The following RIN2 variants were observed in gnomAD, a reference collection of about 807,000 sequenced individuals.
RIN2 encodes RAB5 interacting protein 2.
In RIN2, 36 loss-of-function variants were observed where a neutral mutation model predicts 78.0. The ratio of observed to expected loss-of-function variants is 0.46; its 90% confidence interval spans 0.35 to 0.61. RIN2 has a LOEUF of 0.61. RIN2 is among the 20% of genes least tolerant of loss of function. RIN2 has a pLI of 0.00. For synonymous variants in RIN2, 466 were observed against 466.8 expected (o/e 1.00, Z 0.02); for missense variants, 1,087 against 1,159.7 (o/e 0.94, Z 0.91).
chr20:19,830,905 G>A (rs575986785), intron 2 of RIN2, among the ~76,000 whole-genome samples: 52 of 152,286 alleles, frequency 3.4e-4, no homozygotes, highest in African/African-American at 1.1e-3. Flanking sequence ...ACCCCACCTC[G>A]GGACACCCCT....
In RIN2 at chr20:19,805,175, T is replaced by C. The variant is rs142043603; in HGVS notation, c.-37+5428T>C. On this transcript the variant is annotated intron_variant, in intron 2 of 12. Transcript: ENST00000255006. Reference sequence around the variant, plus strand: ...AATGAGACTTAGCTTTGGTCAAAAATTGGGATGCGGGTATTTATATGGGCA... The same window carrying C: ...AATGAGACTTAGCTTTGGTCAAAAACTGGGATGCGGGTATTTATATGGGCA... Among the ~76,000 whole-genome samples the C allele has an allele frequency of 1.2e-3, 182 of 152,198 alleles. 1 individual carries two copies. Among genetic ancestry groups the C allele is most frequent in the African/African-American group, 4.1e-3 (169 of 41,512 alleles).
intron 5 of RIN2, among the ~76,000 whole-genome samples, chr20:19,957,390 A>C (rs2041586288): frequency 6.6e-6 from 1 of 152,206 alleles, no homozygotes; most frequent in African/African-American, 2.4e-5. Flanking sequence ...CAAAAAAGTG[A>C]CTGGAGCCGG....
intron 6 of RIN2, 104 bp downstream of exon 6, chr20:19,960,915 CT>C (rs1600954760): frequency 1.4e-6 from 1 of 692,394 alleles, no homozygotes; most frequent in East Asian, 2.7e-5. Context: ...AGATATGGGC[CT>C]GAGTCTTGGC....
intron 1 of RIN2, among the ~76,000 whole-genome samples, chr20:19,797,859 C>CTTTTTTTTTTTTTTT: frequency 7.8e-6 from 1 of 128,114 alleles, no homozygotes; most frequent in Non-Finnish European, 1.6e-5. Context: ...TCTACTTAAT[C>CTTTTTTTTTTTTTTT]TTTTTTTTTT....
chr20:19,918,748 C>T (rs549411738), intron 3 of RIN2, among the ~76,000 whole-genome samples: 31 of 148,836 alleles, frequency 2.1e-4, no homozygotes, highest in African/African-American at 6.7e-4. Flanking sequence ...TCTGACTTTA[C>T]GGAGTCTGGG....
Position 19,933,770 on chromosome 20 carries a change from T to G in RIN2, c.58-1329T>G, listed in dbSNP as rs114794722. Among the ~76,000 whole-genome samples, 433 of 152,308 alleles carry G rather than the reference T, an allele frequency of 2.8e-3. 2 individuals carry two copies. Among genetic ancestry groups the G allele is most frequent in the African/African-American group, 9.9e-3 (412 of 41,564 alleles). On this transcript the variant is annotated intron_variant, in intron 3 of 12. Coordinates refer to ENST00000255006, the MANE Select transcript of RIN2 (RefSeq NM_018993.4). ...TTAGTGAGAACAGTGCTCAAATTTC[T>G]TAGCCTCAGGACCCCTTGATGCTCT... is the stretch of plus-strand genomic sequence containing the variant.
intron 3 of RIN2, among the ~76,000 whole-genome samples, chr20:19,892,433 C>G (rs1392795365): frequency 6.6e-6 from 1 of 152,144 alleles, no homozygotes; most frequent in African/African-American, 2.4e-5. Flanking sequence ...CCGTGCTGGT[C>G]TCGAACTCCT....
At chr20:19,782,954 A>G (rs1282461760) in intron 1 of RIN2, among the ~76,000 whole-genome samples, 1 of 152,228 alleles carries the variant, frequency 6.6e-6, no homozygotes, top group African/African-American at 2.4e-5. Flanking sequence ...AATGCCTAGC[A>G]GCTTTGGACA....
intron 4 of RIN2, among the ~76,000 whole-genome samples, chr20:19,952,280 G>A (rs2041350077): frequency 6.6e-6 from 1 of 152,174 alleles, no homozygotes; most frequent in South Asian, 2.1e-4. Flanking sequence ...AGGAGAAGAG[G>A]GGCAGCTGTG....
intron 1 of RIN2, among the ~76,000 whole-genome samples, chr20:19,778,478 C>T (rs529148862): frequency 2.6e-5 from 4 of 152,268 alleles, no homozygotes; most frequent in Admixed American, 2.0e-4. Context: ...CCTTGATCCC[C>T]ACTTTACAGA....
intron 2 of RIN2, among the ~76,000 whole-genome samples, chr20:19,833,882 C>T (rs1003455794): frequency 6.6e-6 from 1 of 152,200 alleles, no homozygotes; most frequent in Non-Finnish European, 1.5e-5. Flanking sequence ...GAGCTCCCTG[C>T]AGGCTTAGGC....
chr20:19,922,515 G>C (rs1399472821), intron 3 of RIN2, among the ~76,000 whole-genome samples: 1 of 152,092 alleles, frequency 6.6e-6, no homozygotes, highest in Non-Finnish European at 1.5e-5. Context: ...ATCTGAAAAA[G>C]GTCCAAGATA....
chr20:19,780,080 A>G (rs2034447436), intron 1 of RIN2, among the ~76,000 whole-genome samples: 1 of 152,224 alleles, frequency 6.6e-6, no homozygotes, highest in Admixed American at 6.5e-5. Flanking sequence ...ATACAGAAAC[A>G]AAAATACAAA....
In RIN2 at chr20:19,761,369, G is replaced by A. The variant is rs79426052; in HGVS notation, c.-163+3042G>A. 5.0e-3 allele frequency among the ~76,000 whole-genome samples: 756 copies of A among 152,348 alleles called. 11 individuals are homozygous for A. The highest frequency in any genetic ancestry group is 0.017 in the African/African-American group (722 of 41,586). ...TAAACAATCACTAATGAGTTACAGT[G>A]ATAAAATATGTTAGGGAAATGCTAA... On this transcript the variant is annotated intron_variant, in intron 1 of 12. Transcript: ENST00000255006.
At chr20:19,835,687 C>T (rs549614394) in intron 2 of RIN2, among the ~76,000 whole-genome samples, 1 of 151,506 alleles carries the variant, frequency 6.6e-6, no homozygotes, top group Non-Finnish European at 1.5e-5. Flanking sequence ...TTCGGGCCTG[C>T]ATTGCTTTGC....
chr20:19,946,797 G>A (rs1441457286), intron 4 of RIN2, among the ~76,000 whole-genome samples: 11 of 149,482 alleles, frequency 7.4e-5, no homozygotes, highest in African/African-American at 2.0e-4. Flanking sequence ...TTGGGAGGCC[G>A]AGGTGGGTGG....
chr20:19,968,567 T>C (rs754201717), intron 7 of RIN2, among the ~76,000 whole-genome samples: 1 of 152,136 alleles, frequency 6.6e-6, no homozygotes, highest in Non-Finnish European at 1.5e-5. Flanking sequence ...AATTTTCTAG[T>C]AGATCAAAGC....
intron 1 of RIN2, among the ~76,000 whole-genome samples, chr20:19,796,999 G>A (rs1453097975): frequency 3.9e-5 from 6 of 152,176 alleles, no homozygotes; most frequent in African/African-American, 1.4e-4. Flanking sequence ...AATGAAAGCT[G>A]CCCAGTAGTT....
intron 4 of RIN2, among the ~76,000 whole-genome samples, chr20:19,944,572 C>A (rs1370871651): frequency 6.6e-6 from 1 of 152,198 alleles, no homozygotes; most frequent in African/African-American, 2.4e-5. Context: ...CTTGCCATTG[C>A]AGCTGGTTAA....
Sources: gnomAD v4.1 joint callset for allele counts (sites outside exome capture counted in the v4.1 genomes callset) on GRCh38, gnomAD v4.1.1 for gene constraint, MANE v1.5 for transcripts, NCBI Gene and HGNC (gene_info 2026-07-23, HGNC 2026-07-21) for gene names.